Variants in SMIM20 observed in about 807,000 individuals in gnomAD.
SMIM20 encodes the protein small integral membrane protein 20, also known as mitochondrial translation regulation assembly intermediate of cytochrome c oxidase protein of 7 kDa.
In SMIM20, 3 loss-of-function variants were observed where a neutral mutation model predicts 8.7. The observed-to-expected ratio is 0.34, with a 90% CI of 0.16 to 0.89. The LOEUF (loss-of-function observed/expected upper bound fraction) is 0.89, where lower values mean the gene tolerates loss of function less well. SMIM20 is among the 40% of genes least tolerant of loss of function. The pLI is 0.49. For missense variants in SMIM20, 85 were observed against 84.8 expected (o/e 1.00, Z -0.01); for synonymous variants, 44 against 33.6 (o/e 1.31, Z -1.07).
At chr4:25,915,739 C>G (rs943894686) in intron 1 of SMIM20, among the ~76,000 whole-genome samples, 1 of 151,850 alleles carries the variant, frequency 6.6e-6, no homozygotes, top group Non-Finnish European at 1.5e-5. Flanking sequence ...TGCTTTGCAT[C>G]CCATTGGAAA....
chr4:25,915,468 C>T (rs1719067142), intron 1 of SMIM20, among the ~76,000 whole-genome samples: 1 of 152,232 alleles, frequency 6.6e-6, no homozygotes, highest in African/African-American at 2.4e-5. Flanking sequence ...TGTAAATGTT[C>T]TGCCCATTAC....
intron 1 of SMIM20, among the ~76,000 whole-genome samples, chr4:25,925,858 A>G (rs141554377): frequency 1.3e-5 from 2 of 152,358 alleles, no homozygotes; most frequent in East Asian, 3.9e-4. Flanking sequence ...CGTACAAAAA[A>G]TCAGCCGGTC....
rs142804141 is a variant in SMIM20 at position 25,919,717 on chromosome 4, C to T, written c.109+5295C>T. ...CAAGCCTTCTTTATTCTTCTCTTCC[C>T]GCTACTAGTTTGAAAGTTTTAAATT... On this transcript the variant is annotated intron_variant, in intron 1 of 2. Transcript: ENST00000506197. Among the ~76,000 whole-genome samples the T allele has an allele frequency of 5.5e-4, 84 of 152,130 alleles. 1 individual carries two copies. Among genetic ancestry groups the T allele is most frequent in the African/African-American group, 1.9e-3 (79 of 41,522 alleles).
At chr4:25,921,727 G>A (rs748781903) in intron 1 of SMIM20, among the ~76,000 whole-genome samples, 6 of 152,172 alleles carry the variant, frequency 3.9e-5, no homozygotes, top group African/African-American at 1.4e-4. Flanking sequence ...GGGTTCCCAG[G>A]CAGCATTCAG....
intron 1 of SMIM20, 107 bp from the exon 2 acceptor site, chr4:25,928,206 A>T (rs866181858): frequency 1.7e-6 from 2 of 1,166,534 alleles, no homozygotes; most frequent in Non-Finnish European, 1.2e-6. Context: ...AACAGCACTC[A>T]TAAATACTGT....
In SMIM20 at chr4:25,914,430, A is replaced by C. The variant is rs1201618562; in HGVS notation, c.109+8A>C. On this transcript the variant is annotated splice_region_variant and intron_variant, in intron 1 of 2. Transcript: ENST00000506197. ...TGAGATTGGAGGAGTACAGTGAGTG[A>C]TCTCTAACCCCTTGCGGTGACCTGA... The C allele has an allele frequency of 4.0e-6, 6 of 1,483,840 alleles. No individual in the cohort carries two copies. The highest frequency in any genetic ancestry group is 5.4e-6 in the Non-Finnish European group (6 of 1,107,488). The allele number at this position is 1,483,840 out of a possible 1,614,324, so 91.9% of individuals were successfully genotyped here.
At chr4:25,926,835 G>T (rs1326043500) in intron 1 of SMIM20, among the ~76,000 whole-genome samples, 2 of 152,166 alleles carry the variant, frequency 1.3e-5, no homozygotes, top group African/African-American at 4.8e-5. Flanking sequence ...AGACCTTTTA[G>T]TTAGATACAG....
chr4:25,928,515 A>G, intron 2 of SMIM20, 146 bp downstream of exon 2: 1 of 806,164 alleles, frequency 1.2e-6, no homozygotes, highest in South Asian at 2.3e-5. Context: ...ATTTCTCAAC[A>G]GTTGCCATTT....
At chr4:25,923,585 A>G (rs549286661) in intron 1 of SMIM20, among the ~76,000 whole-genome samples, 9 of 152,294 alleles carry the variant, frequency 5.9e-5, no homozygotes, top group African/African-American at 2.2e-4. Flanking sequence ...ACAGTGAAGA[A>G]TGTTCAACAG....
chr4:25,916,625 G>A (rs1202067009), intron 1 of SMIM20, among the ~76,000 whole-genome samples: 1 of 152,078 alleles, frequency 6.6e-6, no homozygotes, highest in Non-Finnish European at 1.5e-5. Flanking sequence ...GCATGATCTC[G>A]GCTCACCGCA....
At chr4:25,914,453 T>A in intron 1 of SMIM20, 31 bp downstream of exon 1, 1 of 1,436,720 alleles carries the variant, frequency 7.0e-7, no homozygotes, top group Non-Finnish European at 9.2e-7. Flanking sequence ...TGCGGTGACC[T>A]GACTCCCCAA....
At chr4:25,928,125 C>T in intron 1 of SMIM20, 188 bp from the exon 2 acceptor site, 3 of 428,426 alleles carry the variant, frequency 7.0e-6, no homozygotes, top group Non-Finnish European at 1.2e-5. Context: ...TTGAAAATAC[C>T]CAATCTCTTT....
chr4:25,918,151 C>T (rs928918209), intron 1 of SMIM20, among the ~76,000 whole-genome samples: 1 of 151,940 alleles, frequency 6.6e-6, no homozygotes, highest in African/African-American at 2.4e-5. Context: ...ACCGTGTTAG[C>T]CAGGATGGTC....
chr4:25,921,886 C>T (rs147390864), intron 1 of SMIM20, among the ~76,000 whole-genome samples: 3 of 152,184 alleles, frequency 2.0e-5, no homozygotes, highest in African/African-American at 7.2e-5. Context: ...GGAGAGGCTG[C>T]AGTCACAAGC....
At chr4:25,924,891 C>G (rs1437383415) in intron 1 of SMIM20, among the ~76,000 whole-genome samples, 2 of 151,960 alleles carry the variant, frequency 1.3e-5, no homozygotes, top group African/African-American at 4.8e-5. Flanking sequence ...TTTTGAGTTC[C>G]AAAATGACAC....
intron 1 of SMIM20, among the ~76,000 whole-genome samples, chr4:25,919,019 C>T (rs1719149313): frequency 6.7e-6 from 1 of 150,020 alleles, no homozygotes; most frequent in Non-Finnish European, 1.5e-5. Flanking sequence ...ATTCTCCTGC[C>T]TCAGCCTCCC....
chr4:25,915,862 G>C lies in SMIM20; in HGVS notation c.109+1440G>C, dbSNP rs530911348. On this transcript the variant is annotated intron_variant, in intron 1 of 2. Coordinates refer to ENST00000506197, the MANE Select transcript of SMIM20 (RefSeq NM_001145432.3). ...CTTGTCACAACTTGGGATGGGGCGG[G>C]GGGGGGGTCGAGTGTTGCTACTGGT... is the stretch of plus-strand genomic sequence containing the variant. 1.5e-4 allele frequency among the ~76,000 whole-genome samples: 20 copies of C among 135,566 alleles called. 1 individual carries two copies. Among genetic ancestry groups the C allele is most frequent in the Non-Finnish European group, 2.3e-4 (14 of 59,676 alleles). 88.9% of individuals were successfully genotyped at this position (135,566 alleles called of 152,430 possible).
At chr4:25,928,873 A>G (rs1432301267) in intron 2 of SMIM20, among the ~76,000 whole-genome samples, 1 of 152,190 alleles carries the variant, frequency 6.6e-6, no homozygotes, top group Non-Finnish European at 1.5e-5. Flanking sequence ...AGCTCTTATA[A>G]TCTGTGGCAA....
At chr4:25,927,012 C>A (rs1711528493) in intron 1 of SMIM20, among the ~76,000 whole-genome samples, 2 of 152,190 alleles carry the variant, frequency 1.3e-5, no homozygotes, top group African/African-American at 4.8e-5. Context: ...ATGAGGACAC[C>A]TTTTGTGTTA....
Sources: gnomAD v4.1 joint callset for allele counts (sites outside exome capture counted in the v4.1 genomes callset) on GRCh38, gnomAD v4.1.1 for gene constraint, MANE v1.5 for transcripts, NCBI Gene and HGNC (gene_info 2026-07-23, HGNC 2026-07-21) for gene names.